ROBO2: variants seen among roughly 807,000 people sequenced by gnomAD.
ROBO2 encodes roundabout homolog 2.
Under a neutral mutation model 160.8 loss-of-function variants are expected in ROBO2, and 53 were observed. That is an observed-to-expected ratio of 0.33 (90% CI 0.26 to 0.41). The LOEUF (loss-of-function observed/expected upper bound fraction) is 0.41, where lower values mean the gene tolerates loss of function less well. Ranked by LOEUF, ROBO2 falls within the 10% of genes least tolerant of loss-of-function variation. The probability of loss-of-function intolerance (pLI) is 1.00; values close to 1 mark genes in which losing one functional copy is unlikely to be tolerated. For missense variants in ROBO2, 1,577 were observed against 1,722.4 expected (o/e 0.92, Z 1.49); for synonymous variants, 664 against 611.7 (o/e 1.09, Z -1.26).
chr3:77,323,572 T>G (rs1160616082), intron 2 of ROBO2, among the ~76,000 whole-genome samples: 3 of 152,194 alleles, frequency 2.0e-5, no homozygotes, highest in African/African-American at 7.2e-5. Context: ...ACCAAGTGCA[T>G]GCCTTTGGAC....
At chr3:77,122,641 G>A (rs544079826) in intron 2 of ROBO2, among the ~76,000 whole-genome samples, 58 of 152,192 alleles carry the variant, frequency 3.8e-4, no homozygotes, top group Admixed American at 1.2e-3. Flanking sequence ...CTGAAGTCCC[G>A]TCAAACACCT....
intron 2 of ROBO2, among the ~76,000 whole-genome samples, chr3:77,396,668 T>C (rs2075312158): frequency 6.6e-6 from 1 of 152,192 alleles, no homozygotes; most frequent in East Asian, 1.9e-4. Context: ...GTTAGATTGC[T>C]GTTATTAAAT....
chr3:76,487,577 A>G (rs2079566669), intron 2 of ROBO2, among the ~76,000 whole-genome samples: 1 of 152,186 alleles, frequency 6.6e-6, no homozygotes, highest in Non-Finnish European at 1.5e-5. Context: ...AAACACCAGT[A>G]GTCATAATAC....
chr3:76,888,801 G>A (rs1049525478), intron 2 of ROBO2, among the ~76,000 whole-genome samples: 1 of 152,180 alleles, frequency 6.6e-6, no homozygotes, highest in Non-Finnish European at 1.5e-5. Flanking sequence ...TATTGGCTCA[G>A]TTTGTAGTGT....
chr3:76,657,680 A>G (rs1041742572), intron 2 of ROBO2, among the ~76,000 whole-genome samples: 1 of 117,178 alleles, frequency 8.5e-6, no homozygotes, highest in East Asian at 2.0e-4. Context: ...ATATATATAC[A>G]TATATGTGTG....
At chr3:77,460,908 A>C (rs557652914) in intron 2 of ROBO2, among the ~76,000 whole-genome samples, 61 of 152,276 alleles carry the variant, frequency 4.0e-4, no homozygotes, top group African/African-American at 1.4e-3. Context: ...TTATGAAATG[A>C]AGGAAATTAA....
intron 2 of ROBO2, among the ~76,000 whole-genome samples, chr3:76,935,481 A>G (rs189193818): frequency 1.3e-5 from 2 of 152,328 alleles, no homozygotes; most frequent in Admixed American, 1.3e-4. Context: ...AATCTGGGAC[A>G]GTTCCTCAGT....
intron 2 of ROBO2, among the ~76,000 whole-genome samples, chr3:77,116,288 T>C (rs1392048732): frequency 6.6e-6 from 1 of 152,226 alleles, no homozygotes; most frequent in African/African-American, 2.4e-5. Flanking sequence ...ATGTCACACA[T>C]TGCTAAAGCT....
chr3:77,088,830 A>G (rs1559981402), intron 1 of ROBO2, among the ~76,000 whole-genome samples: 1 of 152,196 alleles, frequency 6.6e-6, no homozygotes, highest in South Asian at 2.1e-4. Context: ...TAATCTATAC[A>G]TTTATCAAAA....
At chr3:77,014,336 A>G (rs1377331574) in intron 2 of ROBO2, among the ~76,000 whole-genome samples, 1 of 152,186 alleles carries the variant, frequency 6.6e-6, no homozygotes, top group Admixed American at 6.5e-5. Context: ...TTTGTCCACT[A>G]GAAGACCCTG....
rs186468762 is a variant in ROBO2, at chr3:76,434,259, G to A, written c.109+496657G>A. ...TTTGACGTTGGAGCGAGCGCTGTTG[G>A]TTACAGATTCTCAGTGTCAACAGCC... On this transcript the variant is annotated intron_variant, in intron 2 of 26. Coordinates refer to the ROBO2 transcript ENST00000487694. 1.1e-5 allele frequency: 11 copies of A among 1,003,850 alleles called. No individual in the cohort carries two copies. The African/African-American group carries it at 1.7e-4, about 16-fold the overall frequency. 62.2% of individuals were successfully genotyped at this position (1,003,850 alleles called of 1,614,324 possible). A position where few individuals can be genotyped will look rare whatever the true frequency, so the allele number is the denominator to read the frequency against.
chr3:77,175,486 C>T (rs1486768656), intron 2 of ROBO2, among the ~76,000 whole-genome samples: 1 of 151,878 alleles, frequency 6.6e-6, no homozygotes, highest in Non-Finnish European at 1.5e-5. Context: ...AGGAATCGCT[C>T]AAAATTTTGA....
chr3:77,518,971 C>G (rs1240778378), intron 5 of ROBO2, among the ~76,000 whole-genome samples: 1 of 151,366 alleles, frequency 6.6e-6, no homozygotes. Flanking sequence ...TGGCCTTGGC[C>G]ATAGTTTTAC....
chr3:76,777,035 G>A lies in ROBO2; in HGVS notation c.110-320979G>A, dbSNP rs140961313. On this transcript the variant is annotated intron_variant, in intron 2 of 26. Transcript: ENST00000487694. ...TCCACACTAGCATTCCTTTGGTTCT[G>A]CAATATAATCCTTAATGTGAAATGA... is the stretch of plus-strand genomic sequence containing the variant. Among the ~76,000 whole-genome samples the A allele has an allele frequency of 8.6e-5, 13 of 151,114 alleles. No individual in the cohort carries two copies. In the East Asian group the frequency reaches 2.6e-3, roughly 30 times the overall value.
At chr3:77,297,686 C>T (rs1445827872) in intron 2 of ROBO2, among the ~76,000 whole-genome samples, 2 of 152,148 alleles carry the variant, frequency 1.3e-5, no homozygotes, top group Non-Finnish European at 2.9e-5. Flanking sequence ...ATTATTTCCC[C>T]ACAGTTGTGT....
intron 2 of ROBO2, among the ~76,000 whole-genome samples, chr3:76,467,299 A>G (rs952233647): frequency 6.6e-6 from 1 of 152,136 alleles, no homozygotes; most frequent in Non-Finnish European, 1.5e-5. Context: ...TAAAAAACTC[A>G]TGGTTACTGT....
chr3:77,464,768 C>G (rs56333620), intron 2 of ROBO2, among the ~76,000 whole-genome samples: 38,149 of 151,922 alleles, frequency 0.25, 5,528 homozygotes, highest in South Asian at 0.4. Context: ...GTCTGTTAGT[C>G]CATACTTCAT....
chr3:75,911,861 C>G (rs1177051846), intron 1 of ROBO2, among the ~76,000 whole-genome samples: 2 of 152,194 alleles, frequency 1.3e-5, no homozygotes, highest in East Asian at 1.9e-4. Flanking sequence ...CTGCCGAAGC[C>G]TTGTTTCTTA....
rs138103173 is a variant in ROBO2, at chr3:76,696,119, G to A, written c.110-401895G>A. On this transcript the variant is annotated intron_variant, in intron 2 of 26. Transcript: ENST00000487694. ...TATATTTAATTCTGATCCAATTCCT[G>A]CCGCACAACTCAGCTGTGAATGACT... Among the ~76,000 whole-genome samples, 750 of 152,164 alleles carry A rather than the reference G, an allele frequency of 4.9e-3. 5 individuals are homozygous for A. Among genetic ancestry groups the A allele is most frequent in the African/African-American group, 0.017 (698 of 41,510 alleles).
Sources: gnomAD v4.1 joint callset for allele counts (sites outside exome capture counted in the v4.1 genomes callset) on GRCh38, gnomAD v4.1.1 for gene constraint, MANE v1.5 for transcripts, NCBI Gene and HGNC (gene_info 2026-07-23, HGNC 2026-07-21) for gene names.